SLC39A12: variants seen among roughly 807,000 people sequenced by gnomAD.
The protein encoded by SLC39A12 is solute carrier family 39 member 12.
A neutral mutation model predicts 71.1 loss-of-function variants in SLC39A12; 63 were observed. The observed-to-expected ratio is 0.89, with a 90% CI of 0.72 to 1.09. The LOEUF (loss-of-function observed/expected upper bound fraction) is 1.09, where lower values mean the gene tolerates loss of function less well. Ranked by LOEUF, SLC39A12 falls within the 50% of genes least tolerant of loss-of-function variation. The pLI, the probability that SLC39A12 is intolerant of heterozygous loss-of-function variation, is 0.00. For missense variants in SLC39A12, 892 were observed against 812.6 expected (o/e 1.10, Z -1.19); for synonymous variants, 351 against 301.3 (o/e 1.16, Z -1.71).
chr10:17,961,361 G>A (rs1834683236), intron 2 of SLC39A12, among the ~76,000 whole-genome samples: 1 of 152,216 alleles, frequency 6.6e-6, no homozygotes, highest in South Asian at 2.1e-4. Context: ...GGCCGATCTA[G>A]TTGGAGACAG....
chr10:17,987,401 C>A lies in SLC39A12; in HGVS notation c.1097-78C>A, dbSNP rs564131897. 154 of 1,366,966 alleles carry A rather than the reference C, an allele frequency of 1.1e-4. No homozygotes were observed. The South Asian group carries it at 1.9e-3, about 16-fold the overall frequency. The allele number at this position is 1,366,966 out of a possible 1,614,324, so 84.7% of individuals were successfully genotyped here. A position where few individuals can be genotyped will look rare whatever the true frequency, so the allele number is the denominator to read the frequency against. On this transcript the variant is annotated intron_variant, in intron 6 of 12. Transcript: ENST00000377369. ...ACTGGCTGTTACTGTAAGACCAATT[C>A]TTCTGGCATTTTCGCCAGCTGAGGC... is the stretch of plus-strand genomic sequence containing the variant.
At chr10:17,967,978 C>T (rs935307951) in intron 4 of SLC39A12, among the ~76,000 whole-genome samples, 2 of 150,332 alleles carry the variant, frequency 1.3e-5, no homozygotes, top group Non-Finnish European at 3.0e-5. Context: ...TATACCTATG[C>T]CTTTAACATA....
At chr10:17,971,619 G>A (rs1035819816) in intron 4 of SLC39A12, among the ~76,000 whole-genome samples, 5 of 151,882 alleles carry the variant, frequency 3.3e-5, no homozygotes, top group Admixed American at 6.6e-5. Context: ...AAATTTATTG[G>A]CGTATGGTTA....
chr10:18,017,444 G>A (rs1836416645), intron 12 of SLC39A12, among the ~76,000 whole-genome samples: 1 of 152,268 alleles, frequency 6.6e-6, no homozygotes, highest in Admixed American at 6.5e-5. Context: ...GAGTAGCTAG[G>A]ATTACAGGTG....
chr10:18,041,531 TATATAC>T (rs1564668097), intron 12 of SLC39A12, among the ~76,000 whole-genome samples: 12 of 72,190 alleles, frequency 1.7e-4, no homozygotes, highest in South Asian at 2.9e-4. Flanking sequence ...TATATGTATA[TATATAC>T]ACACACACAC....
intron 8 of SLC39A12, 145 bp from the exon 9 acceptor site, chr10:17,993,036 G>C (rs1220113736): frequency 1.9e-6 from 1 of 524,052 alleles, no homozygotes; most frequent in African/African-American, 2.0e-5. Flanking sequence ...TTTTGAAGTT[G>C]CATTCCATTC....
Position 17,991,219 on chromosome 10 carries a change from G to A in SLC39A12, c.1338G>A (p.Trp446Ter). 12 of 1,598,142 alleles carry A rather than the reference G, an allele frequency of 7.5e-6. No individual in the cohort carries two copies. Among genetic ancestry groups the A allele is most frequent in the Non-Finnish European group, 9.4e-6 (11 of 1,174,010 alleles). ...TCCATGAAAGCAAAGGTCATATTTG[G>A]AAACTGATGGGATTAATTGGAGGCA... Reference protein sequence around the residue: ...GHFHESKGHIWKLMGLIGGIH... With the variant: ...GHFHESKGHI Residue 446 changes from tryptophan (W) to a stop codon, truncating the protein, a stop_gained, in exon 8 of 13, where the codon TGG becomes TGA. Coordinates refer to ENST00000377369, the MANE Select transcript of SLC39A12 (RefSeq NM_001145195.2). LOFTEE classifies it high-confidence loss of function.
chr10:17,978,222 G>T (rs944372453), intron 5 of SLC39A12, 148 bp downstream of exon 5: 8 of 629,038 alleles, frequency 1.3e-5, no homozygotes, highest in Admixed American at 7.6e-5. Flanking sequence ...CGTAGTTACG[G>T]TTTTCTTTTT....
chr10:17,969,670 C>T (rs1834920383), intron 4 of SLC39A12, among the ~76,000 whole-genome samples: 1 of 152,060 alleles, frequency 6.6e-6, no homozygotes, highest in Non-Finnish European at 1.5e-5. Context: ...TGTTTGAGCT[C>T]CTTGTATATT....
chr10:17,986,801 C>G (rs1835409521), intron 6 of SLC39A12, among the ~76,000 whole-genome samples: 1 of 152,094 alleles, frequency 6.6e-6, no homozygotes, highest in African/African-American at 2.4e-5. Flanking sequence ...AGCCCAGGAG[C>G]TTGAGACTAG....
At chr10:17,978,222 G>A (rs944372453) in intron 5 of SLC39A12, 148 bp downstream of exon 5, 2 of 629,038 alleles carry the variant, frequency 3.2e-6, no homozygotes, top group African/African-American at 1.9e-5. Context: ...CGTAGTTACG[G>A]TTTTCTTTTT....
At chr10:17,982,913 A>G (rs2437262) in intron 6 of SLC39A12, among the ~76,000 whole-genome samples, 98,400 of 151,888 alleles carry the variant, frequency 0.65, 31,921 homozygotes, top group South Asian at 0.73. Flanking sequence ...GAAAGGGGCC[A>G]GGCGCGGTGG....
At chr10:18,021,237 G>T (rs181892827) in intron 12 of SLC39A12, among the ~76,000 whole-genome samples, 132 of 151,766 alleles carry the variant, frequency 8.7e-4, no homozygotes, top group African/African-American at 3.1e-3. Context: ...GGCCTTTTCT[G>T]CTTGTTATTG....
chr10:17,981,523 A>G (rs756375152), intron 6 of SLC39A12, 40 bp downstream of exon 6: 21 of 1,505,348 alleles, frequency 1.4e-5, no homozygotes, highest in East Asian at 1.4e-4. Flanking sequence ...GATGTGCACA[A>G]TGTATGCAAT....
intron 10 of SLC39A12, 112 bp from the exon 11 acceptor site, chr10:18,000,555 G>A: frequency 1.0e-6 from 1 of 977,430 alleles, no homozygotes; most frequent in East Asian, 2.4e-5. Context: ...TATTTAATCA[G>A]ATGGAATATA....
In SLC39A12 at chr10:17,977,985, A is replaced by C. The variant is rs749685412; in HGVS notation, c.835A>C (p.Asn279His). ...AATCCATCAATTTCAAAGGAAACAA[A>C]ACAACATAATAACCCATGATCAGGA... is the stretch of plus-strand genomic sequence containing the variant. ...EKIHQFQRKQ[N>H]NIITHDQDYS... is the part of the protein sequence containing the mutation. Residue 279 changes from asparagine (N) to histidine (H), a missense_variant, in exon 5 of 13, where the codon AAC (asparagine) becomes CAC (histidine). Transcript: ENST00000377369. 2.5e-6 allele frequency: 4 copies of C among 1,612,082 alleles called. No individual in the cohort carries two copies.
intron 3 of SLC39A12, among the ~76,000 whole-genome samples, chr10:17,963,412 A>G (rs1331914199): frequency 6.6e-6 from 1 of 152,222 alleles, no homozygotes; most frequent in African/African-American, 2.4e-5. Context: ...TCCCACACAT[A>G]CTGCAAATAC....
chr10:18,029,662 A>G (rs916583428), intron 12 of SLC39A12, among the ~76,000 whole-genome samples: 2 of 151,652 alleles, frequency 1.3e-5, no homozygotes, highest in African/African-American at 4.9e-5. Context: ...CCCCTCCTCT[A>G]CTCTTAGAGT....
intron 8 of SLC39A12, 28 bp downstream of exon 8, chr10:17,991,331 T>A: frequency 1.3e-6 from 2 of 1,530,242 alleles, no homozygotes; most frequent in South Asian, 2.6e-5. Context: ...ATTTGTCTTG[T>A]GCTTTAAAGT....
Sources: gnomAD v4.1 joint callset for allele counts (sites outside exome capture counted in the v4.1 genomes callset) on GRCh38, gnomAD v4.1.1 for gene constraint, MANE v1.5 for transcripts, NCBI Gene and HGNC (gene_info 2026-07-23, HGNC 2026-07-21) for gene names.